The following PRDM5 variants were observed in gnomAD, a reference collection of about 807,000 sequenced individuals.
The protein encoded by PRDM5 is PR/SET domain 5, also known as PR domain zinc finger protein 5.
PRDM5 carries 56 observed loss-of-function variants against 81.2 expected under a neutral mutation model. That is an observed-to-expected ratio of 0.69 (90% CI 0.56 to 0.86). PRDM5 has a LOEUF of 0.86. Among genes scored for constraint, PRDM5 ranks in the 40% least tolerant of loss-of-function variants. The pLI is 0.00. For missense variants in PRDM5, 697 were observed against 770.1 expected, an observed-to-expected ratio of 0.91 and a Z score of 1.12; for synonymous variants, 267 against 256.4, an observed-to-expected ratio of 1.04 and a Z score of -0.39.
chr4:120,715,914 C>G (rs975913056), intron 14 of PRDM5, among the ~76,000 whole-genome samples: 10 of 152,262 alleles, frequency 6.6e-5, no homozygotes, highest in African/African-American at 2.2e-4. Context: ...AGATTAAGAA[C>G]AACCCTTTTA....
intron 3 of PRDM5, 136 bp from the exon 4 acceptor site, chr4:120,821,481 G>A: frequency 2.4e-6 from 2 of 838,134 alleles, no homozygotes; most frequent in Non-Finnish European, 3.6e-6. Flanking sequence ...GTTGATCTGG[G>A]TGCTGAAAAA....
At chr4:120,750,278 A>G (rs1743790669) in intron 14 of PRDM5, among the ~76,000 whole-genome samples, 1 of 152,170 alleles carries the variant, frequency 6.6e-6, no homozygotes. Context: ...AGTGCAGAGC[A>G]CCTGCCCAAC....
chr4:120,725,725 T>C (rs1008517553), intron 14 of PRDM5, among the ~76,000 whole-genome samples: 2 of 152,174 alleles, frequency 1.3e-5, no homozygotes, highest in Non-Finnish European at 2.9e-5. Flanking sequence ...ACTCCGTTTC[T>C]ATATTAAACA....
At chr4:120,687,345 G>T (rs1193494271), downstream of PRDM5, among the ~76,000 whole-genome samples, 1 of 151,796 alleles carries the variant, frequency 6.6e-6, no homozygotes, top group Non-Finnish European at 1.5e-5. Flanking sequence ...TATTAGTTTG[G>T]CTACTTTAGA....
At chr4:120,795,480 C>A (rs34689739) in intron 10 of PRDM5, among the ~76,000 whole-genome samples, 252 of 149,722 alleles carry the variant, frequency 1.7e-3, no homozygotes, top group Non-Finnish European at 3.0e-3. Context: ...TCCTAAAATA[C>A]AACTGTAATT....
At chr4:120,713,626 T>C (rs1224945245) in intron 14 of PRDM5, among the ~76,000 whole-genome samples, 1 of 152,246 alleles carries the variant, frequency 6.6e-6, no homozygotes, top group Non-Finnish European at 1.5e-5. Context: ...AATATTTTAC[T>C]TTGTATGTTT....
intron 2 of PRDM5, among the ~76,000 whole-genome samples, chr4:120,865,410 C>A (rs1761091259): frequency 6.6e-6 from 1 of 152,174 alleles, no homozygotes; most frequent in South Asian, 2.1e-4. Context: ...CAATCCTGCT[C>A]CAACTCTAGT....
At chr4:120,905,682 A>C (rs920003729) in intron 2 of PRDM5, among the ~76,000 whole-genome samples, 8 of 152,162 alleles carry the variant, frequency 5.3e-5, no homozygotes, top group Non-Finnish European at 1.2e-4. Flanking sequence ...ATAATACCTT[A>C]AAATAAACAA....
At chr4:120,710,233 A>T in intron 15 of PRDM5, 76 bp downstream of exon 15, 1 of 1,210,790 alleles carries the variant, frequency 8.3e-7, no homozygotes, top group South Asian at 1.3e-5. Flanking sequence ...ACACACACAC[A>T]CACACATACA....
At chr4:120,890,399 T>G (rs1045547767) in intron 2 of PRDM5, among the ~76,000 whole-genome samples, 28 of 152,216 alleles carry the variant, frequency 1.8e-4, no homozygotes, top group African/African-American at 6.8e-4. Flanking sequence ...CACTAGGCCC[T>G]ATCTCCAATT....
Position 120,898,932 on chromosome 4 carries a change from G to A in PRDM5, c.177+8542C>T, listed in dbSNP as rs114657689. 8.2e-3 allele frequency among the ~76,000 whole-genome samples: 1,242 copies of A among 152,098 alleles called. 18 individuals are homozygous for A. Among genetic ancestry groups the A allele is most frequent in the African/African-American group, 0.028 (1,178 of 41,492 alleles). ...CTTTCCATCCCGCTTCACTCACCATGCCTATTTTTGTTTTGTGAAGAATTC... is the reference window on the plus strand; with the variant it reads ...CTTTCCATCCCGCTTCACTCACCATACCTATTTTTGTTTTGTGAAGAATTC... On this transcript the variant is annotated intron_variant, in intron 2 of 15. Coordinates refer to ENST00000264808, the MANE Select transcript of PRDM5 (RefSeq NM_018699.4).
Position 120,798,248 on chromosome 4 carries a change from T to C in PRDM5, c.1188+19A>G. On this transcript the variant is annotated intron_variant, in intron 10 of 15. Transcript: ENST00000264808. ...GCAGCAAATTCATAAAAAATAATAA[T>C]AATATTAATAAGTTTTACCTTCTTA... is the stretch of plus-strand genomic sequence containing the variant. The C allele has an allele frequency of 6.8e-7, 1 of 1,467,494 alleles. No individual in the cohort carries two copies. Among genetic ancestry groups the C allele is most frequent in the Non-Finnish European group, 9.1e-7 (1 of 1,094,378 alleles). 90.9% of individuals were successfully genotyped at this position (1,467,494 alleles called of 1,614,324 possible).
chr4:120,880,358 G>A (rs1298294225), intron 2 of PRDM5, among the ~76,000 whole-genome samples: 1 of 152,032 alleles, frequency 6.6e-6, no homozygotes, highest in Non-Finnish European at 1.5e-5. Flanking sequence ...AAGGAGCTCA[G>A]GGTACTCTTG....
chr4:120,821,273 C>T lies in PRDM5; in HGVS notation c.373G>A (p.Asp125Asn). ...TCCTCCTCAGCCTCCATGTCACTAT[C>T]CAGGTAGCCAATCAGAAGCTCCGTG... ...TDTELLIGYL[D>N]SDMEAEEEEQ... Residue 125 changes from aspartate to asparagine, a missense_variant, in exon 4 of 16, where the codon GAT (aspartate) becomes AAT (asparagine). Coordinates refer to ENST00000264808, the MANE Select transcript of PRDM5 (RefSeq NM_018699.4). 6.2e-7 allele frequency: 1 copy of T among 1,613,948 alleles called. No homozygotes were observed. Among genetic ancestry groups the T allele is most frequent in the East Asian group, 2.2e-5 (1 of 44,866 alleles).
rs66499146 is a variant in PRDM5, at chr4:120,863,156, TA to T, written c.178-9617del. Among the ~76,000 whole-genome samples, 175 of 40,118 alleles carry T rather than the reference TA, an allele frequency of 4.4e-3. 1 individual carries two copies. Among genetic ancestry groups the T allele is most frequent in the African/African-American group, 9.3e-3 (80 of 8,608 alleles). 26.3% of individuals were successfully genotyped at this position (40,118 alleles called of 152,430 possible). ...CTGGGTGACAGAGCAAGACTCTGTC[TA>T]AAAAAAAAAAAAAAAAAAATATATA... On this transcript the variant is annotated intron_variant, in intron 2 of 15. Coordinates refer to ENST00000264808, the MANE Select transcript of PRDM5 (RefSeq NM_018699.4).
chr4:120,689,883 G>C (rs1178469116), downstream of PRDM5, among the ~76,000 whole-genome samples: 10 of 152,012 alleles, frequency 6.6e-5, no homozygotes, highest in African/African-American at 2.4e-4. Context: ...CCAAAGTGCT[G>C]GGAATACAGG....
At chr4:120,875,756 A>C (rs749023186) in intron 2 of PRDM5, among the ~76,000 whole-genome samples, 2 of 152,210 alleles carry the variant, frequency 1.3e-5, no homozygotes, top group Non-Finnish European at 2.9e-5. Flanking sequence ...AATACAAATG[A>C]CTAGGCATTT....
intron 13 of PRDM5, among the ~76,000 whole-genome samples, chr4:120,757,610 C>G (rs892780067): frequency 6.6e-6 from 1 of 152,156 alleles, no homozygotes; most frequent in Admixed American, 6.6e-5. Context: ...TCCACCCTCA[C>G]CCAATGTGGG....
At chr4:120,735,199 C>T (rs530134049) in intron 14 of PRDM5, among the ~76,000 whole-genome samples, 1 of 152,148 alleles carries the variant, frequency 6.6e-6, no homozygotes, top group Admixed American at 6.6e-5. Flanking sequence ...TAATTTTTGA[C>T]ATTATGTGAG....
Sources: gnomAD v4.1 joint callset for allele counts (sites outside exome capture counted in the v4.1 genomes callset) on GRCh38, gnomAD v4.1.1 for gene constraint, MANE v1.5 for transcripts, NCBI Gene and HGNC (gene_info 2026-07-23, HGNC 2026-07-21) for gene names.